Variants in NXPE2 observed in about 807,000 individuals in gnomAD.
NXPE2 encodes neurexophilin and PC-esterase domain family member 2.
In NXPE2, 34 loss-of-function variants were observed where a neutral mutation model predicts 34.4. The ratio of observed to expected loss-of-function variants is 0.99; its 90% confidence interval spans 0.75 to 1.31. NXPE2 has a LOEUF of 1.31. NXPE2 is among the 40% of genes most tolerant of loss of function. The pLI, the probability that NXPE2 is intolerant of heterozygous loss-of-function variation, is 0.00. For synonymous variants in NXPE2, 235 were observed against 231.3 expected (o/e 1.02, Z -0.15); for missense variants, 649 against 672.5 (o/e 0.97, Z 0.39).
the NXPE2 span, among the ~76,000 whole-genome samples, chr11:114,736,312 C>G: frequency 6.6e-6 from 1 of 152,142 alleles, no homozygotes; most frequent in Non-Finnish European, 1.5e-5. Context: ...CTTATTTCAT[C>G]CCTACAGGCT....
chr11:114,484,422 C>T, the NXPE2 span, among the ~76,000 whole-genome samples: 3 of 152,078 alleles, frequency 2.0e-5, no homozygotes, highest in African/African-American at 7.2e-5. Context: ...TTTTCTTTCT[C>T]CTCTCTGGGC....
the NXPE2 span, among the ~76,000 whole-genome samples, chr11:114,482,055 A>T: frequency 2.0e-4 from 31 of 152,142 alleles, no homozygotes; most frequent in Non-Finnish European, 3.7e-4. Flanking sequence ...TGAAAGATGG[A>T]TTAAAGCCTC....
the NXPE2 span, among the ~76,000 whole-genome samples, chr11:114,559,368 T>A: frequency 3.3e-5 from 5 of 152,324 alleles, no homozygotes; most frequent in African/African-American, 1.2e-4. Flanking sequence ...ATTCATACAT[T>A]TTCCACCCAA....
At chr11:114,667,089 C>G in the NXPE2 span, among the ~76,000 whole-genome samples, 2 of 152,036 alleles carry the variant, frequency 1.3e-5, no homozygotes, top group African/African-American at 4.8e-5. Context: ...AGGTGTTGTT[C>G]TAACTGTGCT....
At chr11:114,786,479 G>C in the NXPE2 span, among the ~76,000 whole-genome samples, 1 of 151,706 alleles carries the variant, frequency 6.6e-6, no homozygotes, top group African/African-American at 2.4e-5. Flanking sequence ...TTGCTGACCT[G>C]ACATTTGTTC....
chr11:114,536,886 T>G, the NXPE2 span, among the ~76,000 whole-genome samples: 2 of 152,206 alleles, frequency 1.3e-5, no homozygotes, highest in Admixed American at 1.3e-4. Context: ...CATCTGAAAC[T>G]ATTCCAATCA....
the NXPE2 span, among the ~76,000 whole-genome samples, chr11:114,564,805 C>T: frequency 6.6e-6 from 1 of 152,128 alleles, no homozygotes; most frequent in Non-Finnish European, 1.5e-5. Flanking sequence ...AAAGGAAAAT[C>T]CATTAAAGGG....
At chr11:114,556,605 C>T in the NXPE2 span, among the ~76,000 whole-genome samples, 1 of 152,000 alleles carries the variant, frequency 6.6e-6, no homozygotes, top group Non-Finnish European at 1.5e-5. Flanking sequence ...GGCTCCCACG[C>T]AGCATGATTC....
chr11:114,722,344 T>A, the NXPE2 span, among the ~76,000 whole-genome samples: 1 of 152,032 alleles, frequency 6.6e-6, no homozygotes, highest in African/African-American at 2.4e-5. Flanking sequence ...CATGCCTGCT[T>A]CCCCTTCCAC....
the NXPE2 span, among the ~76,000 whole-genome samples, chr11:114,590,870 AC>A: frequency 2.0e-5 from 3 of 152,116 alleles, no homozygotes; most frequent in Admixed American, 6.6e-5. Context: ...TTTATGGGGA[AC>A]CTTTGGCTAA....
upstream of NXPE2, among the ~76,000 whole-genome samples, chr11:114,674,169 CTT>C (rs1950832476): frequency 6.6e-6 from 1 of 151,698 alleles, no homozygotes; most frequent in Non-Finnish European, 1.5e-5. Context: ...CCTTAGTAGT[CTT>C]TTATTTAAAA....
Position 114,698,579 on chromosome 11 carries a change from A to G in NXPE2, c.667A>G (p.Arg223Gly). ...CATCTTCACTGGCCTGTTTGCCAAC[A>G]GAAGCTCCAATGTCTTCACTGAATG... The part of the protein sequence containing the change: ...RIIFTGLFAN[R>G]SSNVFTECGL... Residue 223 changes from arginine to glycine, a missense_variant, in exon 3 of 6, where the codon AGA becomes GGA. Arg to Gly is a moderately radical substitution (Grantham distance 125). Transcript: ENST00000389586. The G allele has an allele frequency of 1.2e-6, 2 of 1,614,222 alleles. No individual in the cohort carries two copies. The highest frequency in any genetic ancestry group is 1.7e-6 in the Non-Finnish European group (2 of 1,180,024).
chr11:114,717,454 A>G, the NXPE2 span, among the ~76,000 whole-genome samples: 1 of 152,244 alleles, frequency 6.6e-6, no homozygotes. Context: ...CCAGCACACC[A>G]TAGCCAGATC....
the NXPE2 span, among the ~76,000 whole-genome samples, chr11:114,629,291 A>G: frequency 4.6e-5 from 7 of 152,108 alleles, no homozygotes; most frequent in Non-Finnish European, 8.8e-5. Context: ...GGCAAACGGA[A>G]TCCAGCAGCA....
the NXPE2 span, among the ~76,000 whole-genome samples, chr11:114,509,592 TA>T: frequency 2.8e-4 from 42 of 152,062 alleles, no homozygotes; most frequent in African/African-American, 6.8e-4. Flanking sequence ...TGTGCAGCCA[TA>T]AAAAAAATGA....
At chr11:114,750,075 C>A in the NXPE2 span, among the ~76,000 whole-genome samples, 1 of 152,188 alleles carries the variant, frequency 6.6e-6, no homozygotes, top group African/African-American at 2.4e-5. Context: ...CAGGTGCTCT[C>A]TTAACTCAGC....
At chr11:114,669,833 A>G in the NXPE2 span, among the ~76,000 whole-genome samples, 1 of 152,110 alleles carries the variant, frequency 6.6e-6, no homozygotes, top group Non-Finnish European at 1.5e-5. Context: ...GTAGGCAATT[A>G]TGCCTAGTGT....
chr11:114,791,522 C>T, the NXPE2 span, among the ~76,000 whole-genome samples: 1 of 152,136 alleles, frequency 6.6e-6, no homozygotes, highest in Non-Finnish European at 1.5e-5. Context: ...GCAGGTCATG[C>T]CCTTTCAAGA....
chr11:114,787,287 G>A, the NXPE2 span, among the ~76,000 whole-genome samples: 13 of 152,306 alleles, frequency 8.5e-5, no homozygotes, highest in African/African-American at 3.1e-4. Context: ...AGGCAGGCTG[G>A]GAGGGGCATC....
Sources: gnomAD v4.1 joint callset for allele counts (sites outside exome capture counted in the v4.1 genomes callset) on GRCh38, gnomAD v4.1.1 for gene constraint, MANE v1.5 for transcripts, NCBI Gene and HGNC (gene_info 2026-07-23, HGNC 2026-07-21) for gene names.